Variants in HNF4A observed in about 807,000 individuals in gnomAD.
HNF4A encodes the protein hepatocyte nuclear factor 4-alpha.
Under a neutral mutation model 52.4 loss-of-function variants are expected in HNF4A, and 15 were observed. That is an observed-to-expected ratio of 0.29 (90% confidence interval 0.19 to 0.44). The LOEUF (loss-of-function observed/expected upper bound fraction) is 0.44. Among genes scored for constraint, HNF4A ranks in the 20% least tolerant of loss-of-function variants. HNF4A has a pLI of 1.00. For missense variants in HNF4A, 479 were observed against 647.2 expected (o/e 0.74, Z 2.82); for synonymous variants, 280 against 264.4 (o/e 1.06, Z -0.57).
intron 1 of HNF4A, among the ~76,000 whole-genome samples, chr20:44,394,748 C>T (rs1471273139): frequency 1.3e-5 from 2 of 152,214 alleles, no homozygotes; most frequent in Non-Finnish European, 2.9e-5. Flanking sequence ...GGGAGGCCAG[C>T]GGCCTCTTGC....
At chr20:44,373,079 T>C (rs934713757) in intron 1 of HNF4A, 1 of 152,214 alleles carries the variant, frequency 6.6e-6, no homozygotes, top group Admixed American at 6.5e-5. Flanking sequence ...ATCCTACCAC[T>C]GCGCTTTGCA....
chr20:44,375,444 C>T (rs1174532302), intron 1 of HNF4A, among the ~76,000 whole-genome samples: 17 of 150,504 alleles, frequency 1.1e-4, no homozygotes, highest in Non-Finnish European at 3.0e-5. Flanking sequence ...GGTTTTGTTG[C>T]GATTGCTTTG....
At position 44,358,259 on chromosome 20, in the gene HNF4A, A is replaced by AAAG. The variant is rs1555806084; in HGVS notation, c.49+2408_49+2409insGAA. Among the ~76,000 whole-genome samples, 22 of 149,984 alleles carry AAAG rather than the reference A, an allele frequency of 1.5e-4. 1 individual carries two copies. Among genetic ancestry groups the AAAG allele is most frequent in the African/African-American group, 5.1e-4 (21 of 40,980 alleles). On this transcript the variant is annotated intron_variant, in intron 1 of 9. Coordinates refer to the HNF4A transcript ENST00000316673. ...GCTGGAAGGCTCCAGAAAAAAAAAA[A>AAAG]AAAGAAAAGAAAAATTTGCTTTCTG...
intron 1 of HNF4A, among the ~76,000 whole-genome samples, chr20:44,383,634 C>T (rs567330646): frequency 3.9e-5 from 6 of 151,934 alleles, no homozygotes; most frequent in Admixed American, 3.9e-4. Context: ...TCACTGCAAC[C>T]TCCGCCTCCT....
chr20:44,430,311 T>G lies in HNF4A; in HGVS notation c.*646T>G, dbSNP rs1365994589. ...CCAGGCAGGGTCTAGAAGGCTGTGG[T>G]GAGGGAAGACGCCTTTCTCCTCCAA... On this transcript the variant is annotated 3_prime_UTR_variant, in exon 10 of 10. Transcript: ENST00000316099. 1 of 152,422 alleles carries G rather than the reference T, an allele frequency of 6.6e-6. No individual in the cohort carries two copies. The highest frequency in any genetic ancestry group is 6.6e-5 in the Admixed American group (1 of 15,266). The allele number at this position is 152,422 out of a possible 1,614,324, so 9.4% of individuals were successfully genotyped here. A position where few individuals can be genotyped will look rare whatever the true frequency, so the allele number is the denominator to read the frequency against.
upstream of HNF4A, among the ~76,000 whole-genome samples, chr20:44,397,644 T>A (rs1028093801): frequency 6.6e-6 from 1 of 152,012 alleles, no homozygotes; most frequent in Admixed American, 6.6e-5. Context: ...TTTTTTTTTT[T>A]AGACAGAGTC....
chr20:44,383,547 C>T (rs2063181203), intron 1 of HNF4A, among the ~76,000 whole-genome samples: 1 of 144,122 alleles, frequency 6.9e-6, no homozygotes, highest in East Asian at 2.3e-4. Context: ...TCTTGGGGAC[C>T]TCTTTTTTTT....
At chr20:44,378,235 T>A (rs2063107414) in intron 1 of HNF4A, among the ~76,000 whole-genome samples, 1 of 152,076 alleles carries the variant, frequency 6.6e-6, no homozygotes, top group South Asian at 2.1e-4. Flanking sequence ...TTTGTAGGCA[T>A]TTTTTAGCAC....
Position 44,390,779 on chromosome 20 carries a change from G to A in HNF4A, c.50-15279G>A, listed in dbSNP as rs371568537. ...GATTCCAGACTGGGAGCAGTGTGGA[G>A]GATTTGTACCCTCATCCCCTAACCC... On this transcript the variant is annotated intron_variant, in intron 1 of 9. Transcript: ENST00000316673. 13 of 653,862 alleles carry A rather than the reference G, an allele frequency of 2.0e-5. No homozygotes were observed. The African/African-American group carries it at 2.3e-4, about 12-fold the overall frequency. 40.5% of individuals were successfully genotyped at this position (653,862 alleles called of 1,614,324 possible).
intron 1 of HNF4A, among the ~76,000 whole-genome samples, chr20:44,376,484 ATAT>A (rs1038363773): frequency 6.6e-5 from 10 of 152,170 alleles, no homozygotes; most frequent in South Asian, 4.1e-4. Context: ...ATAGAGAATA[ATAT>A]TATGAACATT....
At chr20:44,404,547 A>G (rs928202849) in intron 1 of HNF4A, among the ~76,000 whole-genome samples, 12 of 144,318 alleles carry the variant, frequency 8.3e-5, no homozygotes, top group Non-Finnish European at 1.9e-4. Flanking sequence ...GTGTATGTGT[A>G]TGTATATGTG....
intron 1 of HNF4A, among the ~76,000 whole-genome samples, chr20:44,374,090 C>T (rs1227124002): frequency 6.6e-6 from 1 of 152,178 alleles, no homozygotes; most frequent in African/African-American, 2.4e-5. Context: ...GAGCTCATCA[C>T]CCAAGTAGTG....
chr20:44,358,869 T>C lies in HNF4A; in HGVS notation c.49+3016T>C, dbSNP rs534710451. ...AGCACGCAAGAAATCCTCGTTGTGG[T>C]TTCATGTTTTTGAGCTTTAGCAGGA... On this transcript the variant is annotated intron_variant, in intron 1 of 9. Transcript: ENST00000316673. Among the ~76,000 whole-genome samples the C allele has an allele frequency of 1.3e-5, 2 of 152,082 alleles. 1 individual carries two copies. Among genetic ancestry groups the C allele is most frequent in the Admixed American group, 1.3e-4 (2 of 15,282 alleles).
chr20:44,377,500 T>C (rs1452083139), intron 1 of HNF4A, among the ~76,000 whole-genome samples: 2 of 152,018 alleles, frequency 1.3e-5, no homozygotes, highest in African/African-American at 4.8e-5. Context: ...CGGTAGCTCA[T>C]GCCTGTAATC....
chr20:44,427,076 A>G (rs993611903), intron 8 of HNF4A, among the ~76,000 whole-genome samples: 1 of 152,168 alleles, frequency 6.6e-6, no homozygotes, highest in Non-Finnish European at 1.5e-5. Context: ...TGTCCTGTAC[A>G]TTGTTCAGCT....
In HNF4A at chr20:44,414,503, G is replaced by A. The variant is rs146751799; in HGVS notation, c.493-4G>A. The A allele has an allele frequency of 9.2e-4, 1,483 of 1,614,196 alleles. 20 individuals are homozygous for A. In the South Asian group the frequency reaches 0.012, roughly 13 times the overall value. On this transcript the variant is annotated splice_region_variant and splice_polypyrimidine_tract_variant and intron_variant, in intron 4 of 9. Transcript: ENST00000316099. ...CAGCATTTTCTTCCCTGTATCTCTC[G>A]AAGATCACCTCCCCCGTCTCCGGGA...
chr20:44,428,002 C>G (rs775143706), intron 8 of HNF4A, among the ~76,000 whole-genome samples: 2 of 152,298 alleles, frequency 1.3e-5, no homozygotes, highest in South Asian at 2.1e-4. Context: ...CTCCAAGGAG[C>G]TTTGAGAGCC....
At chr20:44,379,836 C>T (rs1362579963) in intron 1 of HNF4A, among the ~76,000 whole-genome samples, 3 of 150,260 alleles carry the variant, frequency 2.0e-5, no homozygotes, top group Admixed American at 6.7e-5. Context: ...CAGGTTCAAG[C>T]GATTCTCCTA....
intron 1 of HNF4A, among the ~76,000 whole-genome samples, chr20:44,370,024 T>TTTTGTTTG (rs949186565): frequency 6.6e-6 from 1 of 151,798 alleles, no homozygotes; most frequent in Non-Finnish European, 1.5e-5. Context: ...CTTTTGTTTT[T>TTTTGTTTG]TTTGTTTGTT....
Sources: gnomAD v4.1 joint callset for allele counts (sites outside exome capture counted in the v4.1 genomes callset) on GRCh38, gnomAD v4.1.1 for gene constraint, MANE v1.5 for transcripts, NCBI Gene and HGNC (gene_info 2026-07-23, HGNC 2026-07-21) for gene names.